Variants in TRERF1 observed in about 807,000 individuals in gnomAD.
TRERF1 encodes the protein transcriptional-regulating factor 1.
In TRERF1, 27 loss-of-function variants were observed where a neutral mutation model predicts 122.9. That is an observed-to-expected ratio of 0.22 (90% CI 0.16 to 0.30). The LOEUF (loss-of-function observed/expected upper bound fraction) is 0.30, where lower values mean the gene tolerates loss of function less well. Ranked by LOEUF, TRERF1 falls within the 10% of genes least tolerant of loss-of-function variation. The probability of loss-of-function intolerance (pLI) is 1.00; values close to 1 mark genes in which losing one functional copy is unlikely to be tolerated. For synonymous variants in TRERF1, 636 were observed against 641.7 expected (o/e 0.99, Z 0.13); for missense variants, 1,248 against 1,560.3 (o/e 0.80, Z 3.37).
At chr6:42,298,129 T>C (rs934025701) in intron 4 of TRERF1, among the ~76,000 whole-genome samples, 2 of 151,826 alleles carry the variant, frequency 1.3e-5, no homozygotes, top group Non-Finnish European at 2.9e-5. Flanking sequence ...AAATAGAAGA[T>C]AGTTGTTGTT....
chr6:42,351,852 GA>G (rs1769507315), intron 3 of TRERF1, among the ~76,000 whole-genome samples: 1 of 152,170 alleles, frequency 6.6e-6, no homozygotes, highest in Admixed American at 6.5e-5. Context: ...AGACCCTAGG[GA>G]ATGGAAGAGC....
At chr6:42,325,265 G>A (rs1764097285) in intron 3 of TRERF1, among the ~76,000 whole-genome samples, 1 of 152,172 alleles carries the variant, frequency 6.6e-6, no homozygotes, top group Non-Finnish European at 1.5e-5. Flanking sequence ...ACAGATGTTA[G>A]CGCGGCTGTG....
chr6:42,254,817 G>A, intron 13 of TRERF1, 34 bp downstream of exon 13: 4 of 1,600,238 alleles, frequency 2.5e-6, no homozygotes, highest in Non-Finnish European at 3.4e-6. Flanking sequence ...CCGTCGTCAG[G>A]AGGCAACAGG....
At chr6:42,334,496 T>C (rs1184510655) in intron 3 of TRERF1, among the ~76,000 whole-genome samples, 1 of 152,238 alleles carries the variant, frequency 6.6e-6, no homozygotes, top group Non-Finnish European at 1.5e-5. Context: ...GTCGTGGTGA[T>C]ATTTTGATTT....
rs567695875 is a variant in TRERF1, at chr6:42,315,240, G to A, written c.-370-14491C>T. Among the ~76,000 whole-genome samples the A allele has an allele frequency of 1.4e-4, 21 of 152,324 alleles. 1 individual carries two copies. In the South Asian group the frequency reaches 3.9e-3, roughly 29 times the overall value. On this transcript the variant is annotated intron_variant, in intron 3 of 17. Transcript: ENST00000372922. ...TAGGGAAGTGCTATTGGCACCTGGT[G>A]GGCAGAGATGCTGCTAAACATCTTA...
At chr6:42,296,029 G>A (rs1785049001) in intron 4 of TRERF1, among the ~76,000 whole-genome samples, 1 of 152,200 alleles carries the variant, frequency 6.6e-6, no homozygotes, top group Admixed American at 6.5e-5. Flanking sequence ...CTGAAAATGT[G>A]TCCTCAGAGC....
rs1780547315 is a variant in TRERF1 at position 42,408,267 on chromosome 6, A to ATGTATATATACATACACATGTGTG, written c.-454+42886_-454+42909dup. 1.9e-4 allele frequency among the ~76,000 whole-genome samples: 23 copies of ATGTATATATACATACACATGTGTG among 123,358 alleles called. 1 individual carries two copies. The highest frequency in any genetic ancestry group is 1.7e-3 in the Admixed American group (21 of 12,490). 80.9% of individuals were successfully genotyped at this position (123,358 alleles called of 152,430 possible). ...TATATATACATACACATGTGTGTGT[A>ATGTATATATACATACACATGTGTG]TGTATATATACATACACATGTGTGT... On this transcript the variant is annotated intron_variant, in intron 2 of 17. Coordinates refer to ENST00000372922, the Ensembl canonical transcript of TRERF1.
At chr6:42,277,903 A>AGGAAG (rs1554141662) in intron 4 of TRERF1, among the ~76,000 whole-genome samples, 1,131 of 93,580 alleles carry the variant, frequency 0.012, 48 homozygotes, top group Middle Eastern at 0.027. Context: ...AAGAAGGAAG[A>AGGAAG]AGGAAGAAGA....
chr6:42,257,249 C>A, intron 10 of TRERF1, 147 bp from the exon 11 acceptor site: 1 of 969,064 alleles, frequency 1.0e-6, no homozygotes, highest in South Asian at 1.7e-5. Flanking sequence ...CCCTAAGATT[C>A]CACACGTGGC....
intron 2 of TRERF1, among the ~76,000 whole-genome samples, chr6:42,439,618 AAAAC>A (rs1010490285): frequency 4.6e-5 from 7 of 152,132 alleles, no homozygotes; most frequent in African/African-American, 1.2e-4. Context: ...ATAAGACTCC[AAAAC>A]AAACAAACAA....
intron 13 of TRERF1, among the ~76,000 whole-genome samples, chr6:42,254,070 G>A (rs1007315852): frequency 2.0e-5 from 3 of 152,176 alleles, no homozygotes; most frequent in East Asian, 3.8e-4. Flanking sequence ...TAGGCTCTCC[G>A]ACCTATTTCC....
Position 42,269,017 on chromosome 6 carries a change from G to C in TRERF1, c.574C>G (p.Pro192Ala), listed in dbSNP as rs1239510688. 1.9e-6 allele frequency: 3 copies of C among 1,613,928 alleles called. No individual in the cohort carries two copies. Among genetic ancestry groups the C allele is most frequent in the Admixed American group, 1.7e-5 (1 of 60,018 alleles). Reference sequence around the variant, plus strand: ...CGGGAAGGGATAGCCGGTGCTGGGGGCTCCATGGGCTTCTGAGACAGCAGC... The same window carrying C: ...CGGGAAGGGATAGCCGGTGCTGGGGCCTCCATGGGCTTCTGAGACAGCAGC... The change falls in exon 5 of 18, where the codon CCC (proline) becomes GCC (alanine). Residue 192 changes from proline to alanine, a missense_variant. This residue lies in a region of TRERF1 where 946 missense variants were observed against 1,073.0 expected (regional missense o/e 0.88). Coordinates refer to ENST00000372922, the Ensembl canonical transcript of TRERF1. The surrounding 1 kb of genome is among the most constrained non-coding windows in gnomAD (Gnocchi z 4.9).
At chr6:42,354,907 T>C (rs1005958407) in intron 3 of TRERF1, among the ~76,000 whole-genome samples, 1 of 152,206 alleles carries the variant, frequency 6.6e-6, no homozygotes, top group Non-Finnish European at 1.5e-5. Context: ...ATTTAAAACA[T>C]CCTGATGGGA....
At chr6:42,380,050 T>C (rs998828649) in intron 2 of TRERF1, among the ~76,000 whole-genome samples, 2 of 152,130 alleles carry the variant, frequency 1.3e-5, no homozygotes, top group Non-Finnish European at 2.9e-5. Flanking sequence ...TCTACGACGG[T>C]TGGGGCAGAG....
intron 14 of TRERF1, among the ~76,000 whole-genome samples, chr6:42,244,339 C>G (rs1189583772): frequency 6.6e-6 from 1 of 152,110 alleles, no homozygotes; most frequent in Non-Finnish European, 1.5e-5. Context: ...CATGCACCAC[C>G]ACGCCCAGTT....
chr6:42,360,015 CCTCT>C (rs1261509255), intron 3 of TRERF1, among the ~76,000 whole-genome samples: 3 of 152,100 alleles, frequency 2.0e-5, no homozygotes, highest in Non-Finnish European at 2.9e-5. Context: ...TTATTTACCT[CCTCT>C]CTAACAGAAC....
intron 9 of TRERF1, 26 bp from the exon 10 acceptor site, chr6:42,258,227 T>C (rs370526111): frequency 7.5e-6 from 12 of 1,610,326 alleles, no homozygotes; most frequent in Non-Finnish European, 1.0e-5. Context: ...CAGAGGTCAC[T>C]AGTCAACAGG....
intron 2 of TRERF1, among the ~76,000 whole-genome samples, chr6:42,377,247 A>G (rs113817137): frequency 0.018 from 2,801 of 152,340 alleles, 83 homozygotes; most frequent in African/African-American, 0.063. Context: ...GGATAGTCAC[A>G]AGGTGGTACA....
chr6:42,402,538 T>C (rs1335019383), intron 2 of TRERF1, among the ~76,000 whole-genome samples: 1 of 152,178 alleles, frequency 6.6e-6, no homozygotes, highest in Non-Finnish European at 1.5e-5. Context: ...GGGGGGTTTC[T>C]AAGGAAGGGT....
Sources: allele counts gnomAD v4.1 joint callset (sites outside exome capture counted in the v4.1 genomes callset), GRCh38; gene constraint gnomAD v4.1.1; regional missense constraint gnomAD v4.1.1; non-coding constraint Gnocchi (gnomAD v3.1); transcripts MANE v1.5; gene names NCBI Gene and HGNC (gene_info 2026-07-23, HGNC 2026-07-21).